DYNC2I1: variants seen among roughly 807,000 people sequenced by gnomAD.
DYNC2I1 encodes the protein cytoplasmic dynein 2 intermediate chain 1.
In DYNC2I1, 89 loss-of-function variants were observed where a neutral mutation model predicts 133.4. The ratio of observed to expected loss-of-function variants is 0.67; its 90% confidence interval spans 0.56 to 0.80. DYNC2I1 has a LOEUF of 0.80. DYNC2I1 is among the 30% of genes least tolerant of loss of function. The pLI is 0.00. For missense variants in DYNC2I1, 1,291 were observed against 1,314.5 expected (o/e 0.98, Z 0.28); for synonymous variants, 504 against 484.3 (o/e 1.04, Z -0.54).
intron 7 of DYNC2I1, 42 bp downstream of exon 7, chr7:158,887,117 A>C: frequency 6.3e-7 from 1 of 1,585,406 alleles, no homozygotes; most frequent in Non-Finnish European, 8.7e-7. Context: ...TTTATGGTAC[A>C]TTGAGATTAA....
intron 23 of DYNC2I1, among the ~76,000 whole-genome samples, chr7:158,941,185 A>T (rs1219979537): frequency 6.6e-6 from 1 of 152,268 alleles, no homozygotes; most frequent in Non-Finnish European, 1.5e-5. Context: ...ATTAGAGACT[A>T]TTATGAACAT....
chr7:158,944,411 T>C (rs1851679432), intron 24 of DYNC2I1, among the ~76,000 whole-genome samples: 1 of 152,166 alleles, frequency 6.6e-6, no homozygotes, highest in Non-Finnish European at 1.5e-5. Flanking sequence ...AAGGGACTGT[T>C]TTATTTGCCC....
rs770429364 is a variant in DYNC2I1 at position 158,922,561 on chromosome 7, G to C, written c.2094+12G>C. The C allele has an allele frequency of 4.7e-5, 76 of 1,611,970 alleles. No individual in the cohort carries two copies. Among genetic ancestry groups the C allele is most frequent in the Non-Finnish European group, 6.3e-5 (74 of 1,179,004 alleles). On this transcript the variant is annotated intron_variant, in intron 16 of 24. Coordinates refer to ENST00000407559, the MANE Select transcript of DYNC2I1 (RefSeq NM_018051.5). ...TATGTGAGTCCCAGGTACAGCTCAG[G>C]ATGAGAGTCGCACGTTTGATGGGAG...
At chr7:158,906,677 C>T (rs1005365609) in intron 11 of DYNC2I1, among the ~76,000 whole-genome samples, 5 of 152,158 alleles carry the variant, frequency 3.3e-5, no homozygotes, top group Admixed American at 6.5e-5. Flanking sequence ...AGGCTGGTCT[C>T]GAACTCCCGA....
Position 158,902,503 on chromosome 7 carries a change from C to T in DYNC2I1, c.1265C>T (p.Ala422Val). The change falls in exon 10 of 25, where the codon GCT (alanine) becomes GTT (valine). Residue 422 changes from alanine (A) to valine (V), a missense_variant. Coordinates refer to ENST00000407559, the MANE Select transcript of DYNC2I1 (RefSeq NM_018051.5). ...AAGGAAATACAAGAAATTCAAAGAG[C>T]TATTAATGCAGAAAATGAAAGGATT... ...QKKEIQEIQR[A>V]INAENERIGE... is the part of the protein sequence containing the mutation. The T allele has an allele frequency of 6.2e-7, 1 of 1,613,950 alleles. No individual in the cohort carries two copies. The highest frequency in any genetic ancestry group is 8.5e-7 in the Non-Finnish European group (1 of 1,179,894).
intron 1 of DYNC2I1, among the ~76,000 whole-genome samples, chr7:158,868,675 A>G (rs908821244): frequency 1.3e-5 from 2 of 152,202 alleles, no homozygotes; most frequent in South Asian, 4.1e-4. Context: ...TGCCCAGTGT[A>G]GCAGACGGGT....
At chr7:158,867,824 G>A (rs1183444808) in intron 1 of DYNC2I1, among the ~76,000 whole-genome samples, 1 of 152,110 alleles carries the variant, frequency 6.6e-6, no homozygotes, top group Non-Finnish European at 1.5e-5. Flanking sequence ...GGGCACCACA[G>A]CCAGGTGGAA....
In DYNC2I1 at chr7:158,856,633, G is replaced by T; in HGVS notation, c.-103G>T. 2.6e-6 allele frequency: 3 copies of T among 1,166,004 alleles called. No homozygotes were observed. The highest frequency in any genetic ancestry group is 3.2e-6 in the Non-Finnish European group (3 of 927,888). 72.2% of individuals were successfully genotyped at this position (1,166,004 alleles called of 1,614,324 possible). A position where few individuals can be genotyped will look rare whatever the true frequency, so the allele number is the denominator to read the frequency against. On this transcript the variant is annotated 5_prime_UTR_variant, in exon 1 of 25. Transcript: ENST00000407559. ...CCTGCTTGTCGGTTGCTAGGCGCTG[G>T]GACGCGCCTCCCGAAGGGTGCGGGG...
intron 13 of DYNC2I1, 116 bp from the exon 14 acceptor site, chr7:158,914,117 T>C (rs1013409122): frequency 7.7e-6 from 6 of 776,082 alleles, no homozygotes; most frequent in African/African-American, 1.8e-5. Flanking sequence ...TTTTCTGTCT[T>C]TTCCTTCTGG....
chr7:158,885,045 G>A (rs1166727958), intron 6 of DYNC2I1, among the ~76,000 whole-genome samples: 2 of 152,134 alleles, frequency 1.3e-5, no homozygotes, highest in Non-Finnish European at 2.9e-5. Context: ...CAAATCCGCA[G>A]GTGGGCAGTT....
At chr7:158,906,231 T>C (rs763828958) in intron 11 of DYNC2I1, 140 bp downstream of exon 11, 1 of 688,312 alleles carries the variant, frequency 1.5e-6, no homozygotes, top group Admixed American at 2.8e-5. Context: ...TACTACACTT[T>C]TGTGTTGAGA....
intron 23 of DYNC2I1, among the ~76,000 whole-genome samples, chr7:158,937,777 G>A (rs1046416963): frequency 2.0e-5 from 3 of 152,098 alleles, no homozygotes; most frequent in African/African-American, 7.2e-5. Flanking sequence ...CAAGAATGGT[G>A]GCATGTGGAG....
intron 3 of DYNC2I1, among the ~76,000 whole-genome samples, chr7:158,872,356 G>T (rs188440704): frequency 6.6e-6 from 1 of 152,276 alleles, no homozygotes; most frequent in African/African-American, 2.4e-5. Flanking sequence ...TAGCCAGCTG[G>T]GCGCGGTGGC....
At chr7:158,899,068 C>G (rs1023241169) in intron 8 of DYNC2I1, among the ~76,000 whole-genome samples, 5 of 152,270 alleles carry the variant, frequency 3.3e-5, no homozygotes, top group Admixed American at 2.6e-4. Flanking sequence ...ATACTAAAAT[C>G]TGCAAACGCT....
the DYNC2I1 span, among the ~76,000 whole-genome samples, chr7:158,845,155 T>C: frequency 6.6e-6 from 1 of 152,144 alleles, no homozygotes; most frequent in East Asian, 1.9e-4. Flanking sequence ...TGGTTTATTG[T>C]TGTTGTTGTT....
chr7:158,898,709 A>G (rs1845962314), intron 8 of DYNC2I1, among the ~76,000 whole-genome samples: 2 of 152,158 alleles, frequency 1.3e-5, no homozygotes, highest in Non-Finnish European at 2.9e-5. Flanking sequence ...AATTATTGAT[A>G]TATTGGATTA....
chr7:158,846,057 C>T, the DYNC2I1 span, among the ~76,000 whole-genome samples: 2 of 151,992 alleles, frequency 1.3e-5, no homozygotes, highest in Non-Finnish European at 2.9e-5. Context: ...ACTAGGAGTT[C>T]GAGACTAGCC....
rs192622434 is a variant in DYNC2I1 at position 158,866,789 on chromosome 7, C to T, written c.16-3066C>T. 1.1e-3 allele frequency among the ~76,000 whole-genome samples: 167 copies of T among 151,876 alleles called. 1 individual carries two copies. In the Middle Eastern group the frequency reaches 0.014, roughly 12 times the overall value. On this transcript the variant is annotated intron_variant, in intron 1 of 24. Transcript: ENST00000407559. ...AATCCCAGCTACTCAGGAGGCTGAG[C>T]CACGAGAATTGCTTGAACCTAGGAA...
chr7:158,862,442 T>A (rs1421717039), intron 1 of DYNC2I1, among the ~76,000 whole-genome samples: 1 of 151,916 alleles, frequency 6.6e-6, no homozygotes, highest in Non-Finnish European at 1.5e-5. Flanking sequence ...TTTATGGCTA[T>A]TGGCCAGGTG....
Sources: allele counts gnomAD v4.1 joint callset (sites outside exome capture counted in the v4.1 genomes callset), GRCh38; gene constraint gnomAD v4.1.1; transcripts MANE v1.5; gene names NCBI Gene and HGNC (gene_info 2026-07-23, HGNC 2026-07-21).